The following IFFO2 variants were observed in gnomAD, a reference collection of about 807,000 sequenced individuals.
IFFO2 encodes intermediate filament family orphan 2.
Under a neutral mutation model 53.5 loss-of-function variants are expected in IFFO2, and 19 were observed. The observed-to-expected ratio is 0.36, with a 90% CI of 0.25 to 0.52. The LOEUF is 0.52. Ranked by LOEUF, IFFO2 falls within the 20% of genes least tolerant of loss-of-function variation. The probability of loss-of-function intolerance (pLI) is 0.94; values close to 1 mark genes in which losing one functional copy is unlikely to be tolerated. For synonymous variants in IFFO2, 303 were observed against 313.6 expected, an observed-to-expected ratio of 0.97 and a Z score of 0.36; for missense variants, 570 against 727.4, an observed-to-expected ratio of 0.78 and a Z score of 2.49.
chr1:18,924,691 G>A (rs1936258309), intron 1 of IFFO2, among the ~76,000 whole-genome samples: 1 of 152,204 alleles, frequency 6.6e-6, no homozygotes, highest in South Asian at 2.1e-4. Context: ...GGGAAGGAAG[G>A]CTGGAGTGAA....
intron 1 of IFFO2, among the ~76,000 whole-genome samples, chr1:18,923,992 G>A (rs780062516): frequency 1.9e-4 from 29 of 152,218 alleles, no homozygotes; most frequent in Admixed American, 4.6e-4. Context: ...TGATTTCACG[G>A]GCTTTTTATT....
rs749031997 is a variant in IFFO2 at position 18,918,957 on chromosome 1, G to C, written c.823-455C>G. On this transcript the variant is annotated intron_variant, in intron 3 of 8. Coordinates refer to ENST00000455833, the MANE Select transcript of IFFO2 (RefSeq NM_001136265.2). The surrounding 1 kb of genome is among the most constrained non-coding windows in gnomAD (Gnocchi z 5.2). ...ACAGGGTTGATCCCCTTGGACACAA[G>C]TGAGAGGGAGCCCAGTGGCCTCCAA... Among the ~76,000 whole-genome samples the C allele has an allele frequency of 1.8e-4, 28 of 152,126 alleles. No homozygotes were observed. Among genetic ancestry groups the C allele is most frequent in the Non-Finnish European group, 3.8e-4 (26 of 68,014 alleles).
rs2148197259 is a variant in IFFO2, at chr1:18,956,646, A to C, written c.-314T>G. The C allele has an allele frequency of 6.6e-6, 1 of 152,502 alleles. No homozygotes were observed. The highest frequency in any genetic ancestry group is 1.9e-4 in the East Asian group (1 of 5,132). The allele number at this position is 152,502 out of a possible 1,614,324, so 9.4% of individuals were successfully genotyped here. On this transcript the variant is annotated 5_prime_UTR_variant, in exon 1 of 9. Coordinates refer to ENST00000455833, the MANE Select transcript of IFFO2 (RefSeq NM_001136265.2). This position sits in a 1 kb window ranked among gnomAD's most constrained non-coding sequence, Gnocchi z 6.4. ...AGAGACGCTGTGGAGGGGCCGCGGC[A>C]GCCGCACGCAGAGGACTCTCGGCCG...
At chr1:18,909,764 A>G (rs1415734500) in intron 8 of IFFO2, among the ~76,000 whole-genome samples, 3 of 151,250 alleles carry the variant, frequency 2.0e-5, no homozygotes, top group African/African-American at 7.3e-5. Context: ...ACCCAGTCTC[A>G]GGCATTTCTT....
chr1:18,950,709 G>A (rs549368919), intron 1 of IFFO2, among the ~76,000 whole-genome samples: 44 of 152,306 alleles, frequency 2.9e-4, no homozygotes, highest in Admixed American at 1.6e-3. Context: ...GGCAGCCTTC[G>A]GGCTTCGGGA....
At chr1:18,910,602 A>G in intron 7 of IFFO2, 130 bp from the exon 8 acceptor site, 1 of 1,058,046 alleles carries the variant, frequency 9.5e-7, no homozygotes, top group African/African-American at 1.6e-5. Flanking sequence ...TGCCATCAGG[A>G]CCCTGCCTCC....
chr1:18,949,095 A>G (rs1296726283), intron 1 of IFFO2, among the ~76,000 whole-genome samples: 1 of 152,220 alleles, frequency 6.6e-6, no homozygotes, highest in Non-Finnish European at 1.5e-5. Flanking sequence ...TTCTGATTCC[A>G]AGTGCAGGCC....
At chr1:18,931,219 C>T (rs530340820) in intron 1 of IFFO2, among the ~76,000 whole-genome samples, 1 of 152,236 alleles carries the variant, frequency 6.6e-6, no homozygotes, top group South Asian at 2.1e-4. Flanking sequence ...TCTGTGGACA[C>T]CCATAATCCC....
chr1:18,934,890 T>C (rs1936425042), intron 1 of IFFO2, among the ~76,000 whole-genome samples: 1 of 152,220 alleles, frequency 6.6e-6, no homozygotes, highest in Non-Finnish European at 1.5e-5. Context: ...GTCCTTGCAA[T>C]CTAAACAAGA....
chr1:18,932,045 G>A (rs28687442), intron 1 of IFFO2, among the ~76,000 whole-genome samples: 80,932 of 152,108 alleles, frequency 0.53, 24,184 homozygotes, highest in African/African-American at 0.81. Flanking sequence ...AGCTGGGGCC[G>A]GCACGTGGTG....
chr1:18,953,338 C>A (rs985882337), intron 1 of IFFO2, among the ~76,000 whole-genome samples: 2 of 152,070 alleles, frequency 1.3e-5, no homozygotes, highest in Admixed American at 6.6e-5. Flanking sequence ...AAATGTCTGC[C>A]CTCCTCCCCA....
At chr1:18,929,201 T>C (rs567725334) in intron 1 of IFFO2, among the ~76,000 whole-genome samples, 1 of 152,276 alleles carries the variant, frequency 6.6e-6, no homozygotes, top group African/African-American at 2.4e-5. Context: ...GGAGCCTCAG[T>C]CTCCACTTCT....
chr1:18,951,747 G>A (rs775116154), intron 1 of IFFO2, among the ~76,000 whole-genome samples: 6 of 152,220 alleles, frequency 3.9e-5, no homozygotes, highest in Admixed American at 1.3e-4. Flanking sequence ...CGGTTGAACC[G>A]GTTAAGCCTG....
intron 1 of IFFO2, among the ~76,000 whole-genome samples, chr1:18,923,575 C>A (rs1936244165): frequency 6.6e-6 from 1 of 152,184 alleles, no homozygotes; most frequent in African/African-American, 2.4e-5. Flanking sequence ...TATTAACCCT[C>A]TTGGGGAAAG....
In IFFO2 at chr1:18,919,524, G is replaced by A. The variant is rs1433758611; in HGVS notation, c.822+154C>T. 2.0e-5 allele frequency among the ~76,000 whole-genome samples: 3 copies of A among 152,130 alleles called. No individual in the cohort carries two copies. In the East Asian group the frequency reaches 5.8e-4, roughly 29 times the overall value. ...GGCGGGAGGAGGGTGCCTGGTCTCC[G>A]ATGCATCCAATGCATCCGTCATCCT... On this transcript the variant is annotated intron_variant, in intron 3 of 8. Transcript: ENST00000455833. This position sits in a 1 kb window ranked among gnomAD's most constrained non-coding sequence, Gnocchi z 4.9.
At chr1:18,914,988 G>A (rs1936110262) in intron 5 of IFFO2, among the ~76,000 whole-genome samples, 1 of 152,120 alleles carries the variant, frequency 6.6e-6, no homozygotes, top group Non-Finnish European at 1.5e-5. Flanking sequence ...GGGAATGGCA[G>A]GTCCAGGAAG....
At chr1:18,926,029 A>T (rs796929925) in intron 1 of IFFO2, among the ~76,000 whole-genome samples, 2 of 139,788 alleles carry the variant, frequency 1.4e-5, no homozygotes, top group Admixed American at 6.9e-5. Context: ...GGATGGATGG[A>T]TGGATGGATG....
chr1:18,929,514 G>A (rs932568581), intron 1 of IFFO2, among the ~76,000 whole-genome samples: 2 of 152,176 alleles, frequency 1.3e-5, no homozygotes, highest in Admixed American at 6.5e-5. Context: ...GAGTCCCATC[G>A]CCAGGCAGGG....
At chr1:18,948,621 C>T (rs1936620282) in intron 1 of IFFO2, among the ~76,000 whole-genome samples, 1 of 152,224 alleles carries the variant, frequency 6.6e-6, no homozygotes, top group African/African-American at 2.4e-5. Flanking sequence ...CCCTCGTGGG[C>T]AGGCGGCGGC....
Sources: allele counts gnomAD v4.1 joint callset (sites outside exome capture counted in the v4.1 genomes callset), GRCh38; gene constraint gnomAD v4.1.1; non-coding constraint Gnocchi (gnomAD v3.1); transcripts MANE v1.5; gene names NCBI Gene and HGNC (gene_info 2026-07-23, HGNC 2026-07-21).